The following TBC1D8 variants were observed in gnomAD, a reference collection of about 807,000 sequenced individuals.
TBC1D8 encodes the protein TBC1 domain family member 8.
A neutral mutation model predicts 118.8 loss-of-function variants in TBC1D8; 65 were observed. The observed-to-expected ratio is 0.55, with a 90% confidence interval of 0.45 to 0.67. TBC1D8 has a LOEUF of 0.67. TBC1D8 is among the 30% of genes least tolerant of loss of function. TBC1D8 has a pLI of 0.00. For synonymous variants in TBC1D8, 566 were observed against 595.8 expected (o/e 0.95, Z 0.73); for missense variants, 1,376 against 1,471.2 (o/e 0.94, Z 1.06).
In TBC1D8 at chr2:101,151,261, G is replaced by T; in HGVS notation, c.-8C>A. ...CTCGGGCTTGAGCCACATCGCGGCG[G>T]TCCGGCCGCGCCCGCCGGCCCCAGC... On this transcript the variant is annotated 5_prime_UTR_variant, in exon 1 of 20. Coordinates refer to ENST00000409318, the MANE Select transcript of TBC1D8 (RefSeq NM_001330348.2). The T allele has an allele frequency of 2.6e-6, 3 of 1,143,996 alleles. No individual in the cohort carries two copies. Among genetic ancestry groups the T allele is most frequent in the South Asian group, 3.3e-5 (1 of 30,510 alleles). 70.9% of individuals were successfully genotyped at this position (1,143,996 alleles called of 1,614,324 possible).
chr2:101,038,398 C>A lies in TBC1D8; in HGVS notation c.1275+63G>T. The A allele has an allele frequency of 1.9e-6, 3 of 1,561,978 alleles. No homozygotes were observed. The South Asian group carries it at 3.5e-5, about 18-fold the overall frequency. ...CACATGGCTCTCCCCATGTGTACTC[C>A]CCTTTGGAGACCACGGCCTGAGACA... On this transcript the variant is annotated intron_variant, in intron 7 of 19. Transcript: ENST00000409318.
In TBC1D8 at chr2:101,082,145, C is replaced by T. The variant is rs147829778; in HGVS notation, c.283+8064G>A. Among the ~76,000 whole-genome samples, 494 of 152,164 alleles carry T rather than the reference C, an allele frequency of 3.2e-3. 3 individuals carry two copies. The highest frequency in any genetic ancestry group is 0.017 in the Middle Eastern group (5 of 294). ...CAGAGTGAGACTCCGTCTCAAAAAA[C>T]GAAAAAGAATAAAATATATGTGTGA... On this transcript the variant is annotated intron_variant, in intron 2 of 19. Coordinates refer to ENST00000409318, the MANE Select transcript of TBC1D8 (RefSeq NM_001330348.2).
At chr2:101,047,749 GC>G (rs1328930704) in intron 5 of TBC1D8, among the ~76,000 whole-genome samples, 1 of 152,180 alleles carries the variant, frequency 6.6e-6, no homozygotes, top group African/African-American at 2.4e-5. Flanking sequence ...GCCCTTTTTA[GC>G]CTTTCCTCTC....
At chr2:101,072,484 T>C (rs757303461) in intron 2 of TBC1D8, among the ~76,000 whole-genome samples, 3 of 152,184 alleles carry the variant, frequency 2.0e-5, no homozygotes, top group Non-Finnish European at 4.4e-5. Context: ...ACCAAGGGGA[T>C]GGCACTAAGC....
intron 10 of TBC1D8, 126 bp downstream of exon 10, chr2:101,033,418 C>T (rs765438805): frequency 1.5e-4 from 174 of 1,137,010 alleles, no homozygotes; most frequent in Middle Eastern, 1.3e-3. Context: ...GGAAAGGGAC[C>T]GAGTACAGCG....
intron 1 of TBC1D8, among the ~76,000 whole-genome samples, chr2:101,132,238 T>C (rs62152487): frequency 0.14 from 22,036 of 152,186 alleles, 1,992 homozygotes; most frequent in East Asian, 0.27. Context: ...ATATGATATA[T>C]GATATAATTA....
At chr2:101,090,442 G>A (rs1161035895) in intron 1 of TBC1D8, 78 bp from the exon 2 acceptor site, 18 of 1,500,842 alleles carry the variant, frequency 1.2e-5, no homozygotes, top group Middle Eastern at 4.6e-4. Flanking sequence ...GCATGTGGTC[G>A]CTGTCTGGAC....
At chr2:101,046,099 A>G (rs1389276416) in intron 5 of TBC1D8, among the ~76,000 whole-genome samples, 2 of 152,198 alleles carry the variant, frequency 1.3e-5, no homozygotes, top group Non-Finnish European at 2.9e-5. Flanking sequence ...TCAAAGCCCA[A>G]GTCTGTATAT....
chr2:101,090,267 A>T lies in TBC1D8; in HGVS notation c.225T>A (p.Ser75=). ...LLQVPGSQVY[S]PIACGELLNG... ...TCAGTAACTCACCACATGCTATGGG[A>T]GAATAAACCTGGGAGCCGGGAACTT... is the stretch of plus-strand genomic sequence containing the variant. Residue 75 remains serine, a synonymous_variant, in exon 2 of 20, where the codon TCT becomes TCA. Coordinates refer to ENST00000409318, the MANE Select transcript of TBC1D8 (RefSeq NM_001330348.2). The T allele has an allele frequency of 1.2e-6, 2 of 1,614,002 alleles. No individual in the cohort carries two copies. The highest frequency in any genetic ancestry group is 1.7e-6 in the Non-Finnish European group (2 of 1,179,886).
At chr2:101,013,588 A>G (rs1219765682) in intron 17 of TBC1D8, among the ~76,000 whole-genome samples, 1 of 152,220 alleles carries the variant, frequency 6.6e-6, no homozygotes, top group Non-Finnish European at 1.5e-5. Context: ...AGGTAACTTC[A>G]TTGCTCCAAC....
chr2:101,135,369 T>C (rs1678807152), intron 1 of TBC1D8, among the ~76,000 whole-genome samples: 1 of 152,040 alleles, frequency 6.6e-6, no homozygotes, highest in Admixed American at 6.6e-5. Flanking sequence ...CAGACCTTTT[T>C]GTTATAAGCC....
chr2:101,038,718 T>C (rs1681194618), intron 6 of TBC1D8, 63 bp from the exon 7 acceptor site: 1 of 1,563,430 alleles, frequency 6.4e-7, no homozygotes, highest in Non-Finnish European at 8.7e-7. Flanking sequence ...TTATTACATA[T>C]GCAGAAGATG....
chr2:101,091,983 TATATAA>T, intron 1 of TBC1D8, among the ~76,000 whole-genome samples: 1 of 152,342 alleles, frequency 6.6e-6, no homozygotes, highest in Non-Finnish European at 1.5e-5. Context: ...AGTATCCTCC[TATATAA>T]CCACAGTACA....
intron 1 of TBC1D8, among the ~76,000 whole-genome samples, chr2:101,123,137 T>C (rs954310746): frequency 3.9e-5 from 6 of 152,100 alleles, no homozygotes; most frequent in African/African-American, 1.4e-4. Flanking sequence ...CTCAGGAGGC[T>C]GAAGCAGGAA....
At chr2:101,034,585 G>A (rs138062856) in intron 9 of TBC1D8, among the ~76,000 whole-genome samples, 23 of 152,296 alleles carry the variant, frequency 1.5e-4, no homozygotes, top group East Asian at 7.7e-4. Context: ...GGATGAATGC[G>A]TCCCTTATGA....
intron 1 of TBC1D8, among the ~76,000 whole-genome samples, chr2:101,131,679 G>T (rs1021449853): frequency 2.0e-5 from 3 of 151,912 alleles, no homozygotes; most frequent in Admixed American, 2.0e-4. Context: ...GCTGGGCGTG[G>T]TGGTGGGCGC....
rs931056679 is a variant in TBC1D8, at chr2:101,021,600, G to A, written c.2827+81C>T. 18 of 987,944 alleles carry A rather than the reference G, an allele frequency of 1.8e-5. No homozygotes were observed. In the African/African-American group the frequency reaches 2.9e-4, roughly 16 times the overall value. The allele number at this position is 987,944 out of a possible 1,614,324, so 61.2% of individuals were successfully genotyped here. On this transcript the variant is annotated intron_variant, in intron 17 of 19. Coordinates refer to ENST00000409318, the MANE Select transcript of TBC1D8 (RefSeq NM_001330348.2). ...CAAGCATAAGTGAACTTTAAAAAGA[G>A]AAGAGCTTCAGAGTCATGCACAAAG...
In TBC1D8 at chr2:101,028,624, C is replaced by T. The variant is rs1680493635; in HGVS notation, c.2223-192G>A. Reference sequence around the variant, plus strand: ...TGAAGCCCGGCTTGTGGATTGGGCTCCACAGGTGGCTTTCCAGGCCTGAAA... The same window carrying T: ...TGAAGCCCGGCTTGTGGATTGGGCTTCACAGGTGGCTTTCCAGGCCTGAAA... On this transcript the variant is annotated intron_variant, in intron 12 of 19. Coordinates refer to ENST00000409318, the MANE Select transcript of TBC1D8 (RefSeq NM_001330348.2). 1.8e-5 allele frequency: 13 copies of T among 705,614 alleles called. 1 individual carries two copies. In the South Asian group the frequency reaches 4.3e-4, roughly 23 times the overall value. 43.7% of individuals were successfully genotyped at this position (705,614 alleles called of 1,614,324 possible).
intron 3 of TBC1D8, among the ~76,000 whole-genome samples, chr2:101,058,435 G>C (rs75223820): frequency 0.025 from 3,837 of 152,254 alleles, 170 homozygotes; most frequent in African/African-American, 0.087. Flanking sequence ...CCCTAAGGAA[G>C]GAAAACTGTA....
Sources: gnomAD v4.1 joint callset for allele counts (sites outside exome capture counted in the v4.1 genomes callset) on GRCh38, gnomAD v4.1.1 for gene constraint, MANE v1.5 for transcripts, NCBI Gene and HGNC (gene_info 2026-07-23, HGNC 2026-07-21) for gene names.